The following SP140 variants were observed in gnomAD, a reference collection of about 807,000 sequenced individuals.
SP140 encodes nuclear body protein SP140.
In SP140, 81 loss-of-function variants were observed where a neutral mutation model predicts 125.0. That is an observed-to-expected ratio of 0.65 (90% CI 0.54 to 0.78). The LOEUF is 0.78. Among genes scored for constraint, SP140 ranks in the 30% least tolerant of loss-of-function variants. The pLI is 0.00. For synonymous variants in SP140, 312 were observed against 354.0 expected (o/e 0.88, Z 1.33); for missense variants, 858 against 1,037.0 (o/e 0.83, Z 2.37).
At chr2:230,194,564 T>C in the SP140 span, among the ~76,000 whole-genome samples, 2 of 152,110 alleles carry the variant, frequency 1.3e-5, no homozygotes. Flanking sequence ...AAATGCAGCT[T>C]TTTTGTTTCT....
chr2:230,239,929 T>C (rs1299388426), intron 3 of SP140, among the ~76,000 whole-genome samples: 1 of 152,206 alleles, frequency 6.6e-6, no homozygotes, highest in Non-Finnish European at 1.5e-5. Context: ...TCAGGGGCTC[T>C]GATTCTGTCT....
chr2:230,276,373 A>T (rs1011855615), intron 15 of SP140, among the ~76,000 whole-genome samples: 11 of 152,170 alleles, frequency 7.2e-5, no homozygotes, highest in African/African-American at 2.7e-4. Context: ...TACTCTGCCT[A>T]TGCTGTATAA....
chr2:230,243,691 A>G, intron 4 of SP140, 40 bp from the exon 5 acceptor site: 3 of 1,472,312 alleles, frequency 2.0e-6, no homozygotes, highest in Non-Finnish European at 2.8e-6. Flanking sequence ...CTTTTTGACC[A>G]TAAATCAAGA....
intron 12 of SP140, 93 bp from the exon 13 acceptor site, chr2:230,269,439 C>A: frequency 3.8e-6 from 3 of 798,248 alleles, no homozygotes; most frequent in Admixed American, 2.0e-5. Context: ...CATCTTAGCT[C>A]AGAATATCAG....
intron 4 of SP140, 71 bp downstream of exon 4, chr2:230,241,558 G>T (rs567279622): frequency 1.1e-6 from 1 of 871,286 alleles, no homozygotes; most frequent in Non-Finnish European, 1.9e-6. Flanking sequence ...GGCAAATCTT[G>T]TATTTCCTCT....
At chr2:230,244,666 A>G (rs891979681) in intron 5 of SP140, among the ~76,000 whole-genome samples, 1 of 152,166 alleles carries the variant, frequency 6.6e-6, no homozygotes, top group African/African-American at 2.4e-5. Context: ...TGGAGACACA[A>G]GTAGGAAAAT....
At chr2:230,189,780 G>C in the SP140 span, among the ~76,000 whole-genome samples, 1 of 152,156 alleles carries the variant, frequency 6.6e-6, no homozygotes, top group Non-Finnish European at 1.5e-5. Context: ...ACTTATGAGT[G>C]AGAACATGCG....
the SP140 span, among the ~76,000 whole-genome samples, chr2:230,186,997 T>C: frequency 6.6e-6 from 1 of 152,170 alleles, no homozygotes; most frequent in South Asian, 2.1e-4. Context: ...TAATGACTTA[T>C]TTTCCTTTGG....
upstream of SP140, chr2:230,202,852 G>A (rs182182647): frequency 4.6e-3 from 4,081 of 893,432 alleles, 60 homozygotes; most frequent in South Asian, 0.028. Context: ...CTGTACCCCT[G>A]TACCTCACTT....
intron 3 of SP140, among the ~76,000 whole-genome samples, chr2:230,215,645 A>G (rs938830034): frequency 1.3e-5 from 2 of 152,180 alleles, no homozygotes; most frequent in African/African-American, 4.8e-5. Context: ...ACAAAAGGAG[A>G]AATACGGCAA....
chr2:230,264,820 G>T (rs1248901154), intron 12 of SP140, among the ~76,000 whole-genome samples: 1 of 152,222 alleles, frequency 6.6e-6, no homozygotes, highest in Non-Finnish European at 1.5e-5. Flanking sequence ...GTCCTGTGAT[G>T]TGAACCATCT....
intron 12 of SP140, among the ~76,000 whole-genome samples, chr2:230,269,238 T>C (rs1435952414): frequency 3.9e-5 from 6 of 152,204 alleles, no homozygotes; most frequent in Non-Finnish European, 7.3e-5. Context: ...AATAGTTGCT[T>C]TTCACTATTG....
Position 230,248,006 on chromosome 2 carries a change from C to G in SP140, c.833C>G (p.Pro278Arg), listed in dbSNP as rs756153976. 6 of 1,613,470 alleles carry G rather than the reference C, an allele frequency of 3.7e-6. No individual in the cohort carries two copies. The change falls in exon 8 of 27, where the codon CCC (proline) becomes CGC (arginine). Residue 278 changes from proline to arginine, a missense_variant. Pro to Arg is a moderately radical substitution (Grantham distance 103). This residue lies in a region of SP140 where 791 missense variants were observed against 869.5 expected (regional missense o/e 0.91). Transcript: ENST00000392045. ...GGAGAGGAGGAAGGCAGGAACAGTC[C>G]CAGAAAAAGAAACCAAGACAAGGAG... The part of the protein sequence containing the change: ...KQGEEEGRNS[P>R]RKRNQDKEKY...
intron 15 of SP140, among the ~76,000 whole-genome samples, chr2:230,275,105 CT>C (rs1194649106): frequency 6.6e-6 from 1 of 151,920 alleles, no homozygotes; most frequent in Non-Finnish European, 1.5e-5. Flanking sequence ...AGTGTGTTGT[CT>C]TTTTTTCCCC....
upstream of SP140, chr2:230,225,529 C>A (rs1303250361): frequency 2.3e-6 from 1 of 428,208 alleles, no homozygotes; most frequent in Non-Finnish European, 4.4e-6. Flanking sequence ...CATGATGCCA[C>A]CTTACCTCAA....
At chr2:230,233,065 C>T (rs375561982) in intron 1 of SP140, among the ~76,000 whole-genome samples, 1 of 152,126 alleles carries the variant, frequency 6.6e-6, no homozygotes, top group East Asian at 1.9e-4. Context: ...TTTTAAATAT[C>T]TTGTTGCTTA....
Position 230,311,344 on chromosome 2 carries a change from C to T in SP140, c.2362-108C>T, listed in dbSNP as rs183455734. 147 of 1,613,878 alleles carry T rather than the reference C, an allele frequency of 9.1e-5. 1 individual carries two copies. The African/African-American group carries it at 1.5e-3, about 16-fold the overall frequency. ...CCCACGGGGCAAGAGCACACGCTGT[C>T]GTTAGTTGCCTTCACCTTGTTGTAT... is the stretch of plus-strand genomic sequence containing the variant. On this transcript the variant is annotated intron_variant, in intron 25 of 26. Coordinates refer to ENST00000392045, the MANE Select transcript of SP140 (RefSeq NM_007237.5).
chr2:230,238,175 A>G (rs765899680), intron 2 of SP140, 38 bp from the exon 3 acceptor site: 1 of 1,469,558 alleles, frequency 6.8e-7, no homozygotes, highest in South Asian at 1.3e-5. Flanking sequence ...TAACCCATAA[A>G]TCTCTAGCTA....
intron 1 of SP140, among the ~76,000 whole-genome samples, chr2:230,226,990 A>G (rs917379737): frequency 6.6e-6 from 1 of 152,216 alleles, no homozygotes; most frequent in African/African-American, 2.4e-5. Flanking sequence ...TTTAAAATAT[A>G]CAGGAGGATG....
Sources: gnomAD v4.1 joint callset for allele counts (sites outside exome capture counted in the v4.1 genomes callset) on GRCh38, gnomAD v4.1.1 for gene constraint, gnomAD v4.1.1 regional missense constraint, MANE v1.5 for transcripts, NCBI Gene and HGNC (gene_info 2026-07-23, HGNC 2026-07-21) for gene names.